Variants in KALRN observed in about 807,000 individuals in gnomAD.
The protein encoded by KALRN is kalirin.
KALRN carries 70 observed loss-of-function variants against 353.7 expected under a neutral mutation model. The ratio of observed to expected loss-of-function variants is 0.20; its 90% CI spans 0.16 to 0.24. The LOEUF (loss-of-function observed/expected upper bound fraction) is 0.24. Among genes scored for constraint, KALRN ranks in the 10% least tolerant of loss-of-function variants. KALRN has a pLI of 1.00. For synonymous variants in KALRN, 1,391 were observed against 1,434.8 expected (o/e 0.97, Z 0.69); for missense variants, 2,791 against 3,756.7 (o/e 0.74, Z 6.72).
intron 1 of KALRN, among the ~76,000 whole-genome samples, chr3:124,159,841 C>T (rs374479195): frequency 3.3e-5 from 5 of 151,914 alleles, no homozygotes; most frequent in African/African-American, 7.2e-5. Flanking sequence ...TTCATATACC[C>T]GTTGTAAAGT....
intron 34 of KALRN, among the ~76,000 whole-genome samples, chr3:124,623,089 GTCTC>G (rs1385420305): frequency 6.6e-6 from 1 of 150,848 alleles, no homozygotes; most frequent in African/African-American, 2.4e-5. Flanking sequence ...TTCTTTCTTT[GTCTC>G]TCTCTTTTTT....
In KALRN at chr3:124,334,517, T is replaced by C; in HGVS notation, c.1647+22T>C. ...GCAGGTAACAGGCTCTGAGCCCCGG[T>C]GTCCATTATCCATTCTAGGAGGCAG... is the stretch of plus-strand genomic sequence containing the variant. On this transcript the variant is annotated intron_variant, in intron 9 of 59. Transcript: ENST00000682506. The surrounding 1 kb of genome is among the most constrained non-coding windows in gnomAD (Gnocchi z 4.2). The C allele has an allele frequency of 3.8e-6, 6 of 1,565,088 alleles. No individual in the cohort carries two copies. Among genetic ancestry groups the C allele is most frequent in the Non-Finnish European group, 5.3e-6 (6 of 1,140,746 alleles).
intron 1 of KALRN, among the ~76,000 whole-genome samples, chr3:124,211,482 T>C (rs1036934853): frequency 1.3e-5 from 2 of 152,202 alleles, no homozygotes; most frequent in South Asian, 2.1e-4. Flanking sequence ...AGAATGTTCA[T>C]TGGGGATCTT....
intron 1 of KALRN, among the ~76,000 whole-genome samples, chr3:124,056,740 T>C (rs1219932218): frequency 6.6e-6 from 1 of 152,126 alleles, no homozygotes; most frequent in Non-Finnish European, 1.5e-5. Flanking sequence ...GCAACAAACC[T>C]CCAGCCTTGC....
At chr3:124,325,734 G>A (rs2079831269) in intron 6 of KALRN, among the ~76,000 whole-genome samples, 1 of 152,222 alleles carries the variant, frequency 6.6e-6, no homozygotes, top group Non-Finnish European at 1.5e-5. Flanking sequence ...CTGCATTAAA[G>A]TGCATTAATA....
intron 4 of KALRN, 56 bp downstream of exon 4, chr3:124,264,746 C>A: frequency 7.0e-7 from 1 of 1,429,296 alleles, no homozygotes; most frequent in Non-Finnish European, 9.8e-7. Context: ...CTGCCATCCA[C>A]ACATTTCTCA....
chr3:124,281,418 A>G (rs4678105), intron 5 of KALRN, among the ~76,000 whole-genome samples: 49,411 of 152,068 alleles, frequency 0.32, 8,864 homozygotes, highest in East Asian at 0.48. Flanking sequence ...GGGTACAAAC[A>G]TGAGGGCCCT....
At chr3:124,637,059 A>G (rs2081425337) in intron 36 of KALRN, 149 bp from the exon 37 acceptor site, 2 of 668,612 alleles carry the variant, frequency 3.0e-6, no homozygotes, top group South Asian at 3.4e-5. Flanking sequence ...TTACACCCAC[A>G]CTCTTCTCCC....
intron 5 of KALRN, among the ~76,000 whole-genome samples, chr3:124,276,640 T>C (rs2074754586): frequency 6.6e-6 from 1 of 152,214 alleles, no homozygotes; most frequent in Non-Finnish European, 1.5e-5. Context: ...AATTACAATA[T>C]GTAATTCTTT....
chr3:124,244,114 GAT>G lies in KALRN; in HGVS notation c.263+9174_263+9175del, dbSNP rs1206703029. 2.0e-5 allele frequency among the ~76,000 whole-genome samples: 3 copies of G among 152,140 alleles called. No homozygotes were observed. In the East Asian group the frequency reaches 5.8e-4, roughly 29 times the overall value. On this transcript the variant is annotated intron_variant, in intron 3 of 59. Coordinates refer to ENST00000682506, the MANE Select transcript of KALRN (RefSeq NM_001388419.1). ...TTGGCCTATATTTTTAAATTAGAAA[GAT>G]ATTTCTTTTACTGGAGAAAGTAAGT...
chr3:124,092,933 G>A (rs955473188), intron 1 of KALRN, among the ~76,000 whole-genome samples: 2 of 152,210 alleles, frequency 1.3e-5, no homozygotes, highest in Non-Finnish European at 2.9e-5. Flanking sequence ...TCTGGAGGGA[G>A]GAGGAGGGGT....
At chr3:124,608,272 G>A (rs1442638301) in intron 34 of KALRN, among the ~76,000 whole-genome samples, 2 of 152,014 alleles carry the variant, frequency 1.3e-5, no homozygotes, top group East Asian at 3.8e-4. Context: ...TTTCCAAAGT[G>A]CTAGGATTAC....
rs1313081287 is a variant in KALRN at position 124,719,786 on chromosome 3, T to C, written c.*316T>C. On this transcript the variant is annotated 3_prime_UTR_variant, in exon 60 of 60. Transcript: ENST00000682506. This position sits in a 1 kb window ranked among gnomAD's most constrained non-coding sequence, Gnocchi z 5.3. ...TAACTGTATCTTCCAAAATGAGTGGTTAACTGGGCAAACCTTAAGCTCACA... is the reference window on the plus strand; with the variant it reads ...TAACTGTATCTTCCAAAATGAGTGGCTAACTGGGCAAACCTTAAGCTCACA... 2 of 243,522 alleles carry C rather than the reference T, an allele frequency of 8.2e-6. No individual in the cohort carries two copies. The highest frequency in any genetic ancestry group is 1.6e-5 in the Non-Finnish European group (2 of 124,828). 15.1% of individuals were successfully genotyped at this position (243,522 alleles called of 1,614,324 possible).
rs575432518 is a variant in KALRN at position 124,091,346 on chromosome 3, C to A, written c.73+57533C>A. Among the ~76,000 whole-genome samples the A allele has an allele frequency of 5.3e-4, 80 of 152,260 alleles. 2 individuals are homozygous for A. The highest frequency in any genetic ancestry group is 6.8e-3 in the Middle Eastern group (2 of 294). ...ATTGCCTTCACTTGCCAGATAGGTC[C>A]ATGTGTCTGAGGAGTTGGGCCAGTG... On this transcript the variant is annotated intron_variant, in intron 1 of 59. Transcript: ENST00000682506.
At chr3:124,555,156 A>G (rs572303920) in intron 33 of KALRN, among the ~76,000 whole-genome samples, 122 of 152,118 alleles carry the variant, frequency 8.0e-4, no homozygotes, top group Non-Finnish European at 1.1e-3. Flanking sequence ...GAGCAGAGAT[A>G]ACTGGCAGGA....
At chr3:124,437,484 G>A (rs1052908579) in intron 17 of KALRN, among the ~76,000 whole-genome samples, 1 of 152,106 alleles carries the variant, frequency 6.6e-6, no homozygotes, top group Admixed American at 6.5e-5. Flanking sequence ...GAGGTCAGGG[G>A]TTCAAAACCA....
chr3:124,348,117 G>A (rs77170974), intron 10 of KALRN, among the ~76,000 whole-genome samples: 10,791 of 152,198 alleles, frequency 0.071, 1,231 homozygotes, highest in African/African-American at 0.24. Context: ...TTTATCAGGC[G>A]TGATTAGCTG....
At chr3:124,668,043 G>GACACACACACACACACACACAC (rs55672121) in intron 47 of KALRN, among the ~76,000 whole-genome samples, 1 of 138,314 alleles carries the variant, frequency 7.2e-6, no homozygotes, top group African/African-American at 2.7e-5. Flanking sequence ...TGTATATCGA[G>GACACACACACACACACACACAC]ACACACACAC....
At chr3:124,152,558 T>TG (rs1560090886) in intron 1 of KALRN, 13 of 544,440 alleles carry the variant, frequency 2.4e-5, no homozygotes, top group African/African-American at 2.1e-4. Flanking sequence ...TTTTCTTTTC[T>TG]TTTCTTTTCT....
Sources: allele counts gnomAD v4.1 joint callset (sites outside exome capture counted in the v4.1 genomes callset), GRCh38; gene constraint gnomAD v4.1.1; non-coding constraint Gnocchi (gnomAD v3.1); transcripts MANE v1.5; gene names NCBI Gene and HGNC (gene_info 2026-07-23, HGNC 2026-07-21).